The following JARID2 variants were observed in gnomAD, a reference collection of about 807,000 sequenced individuals.
JARID2 encodes protein Jumonji.
JARID2 carries 21 observed loss-of-function variants against 125.6 expected under a neutral mutation model. That is an observed-to-expected ratio of 0.17 (90% CI 0.12 to 0.24). JARID2 has a LOEUF of 0.24. Among genes scored for constraint, JARID2 ranks in the 10% least tolerant of loss-of-function variants. JARID2 has a pLI of 1.00. For missense variants in JARID2, 1,303 were observed against 1,639.6 expected (o/e 0.79, Z 3.55); for synonymous variants, 736 against 661.6 (o/e 1.11, Z -1.73).
At chr6:15,363,291 T>C (rs909209494) in intron 1 of JARID2, among the ~76,000 whole-genome samples, 14 of 152,212 alleles carry the variant, frequency 9.2e-5, no homozygotes, top group Non-Finnish European at 1.8e-4. Flanking sequence ...GTGTAATCCC[T>C]GAACCAGCAG....
chr6:15,282,611 C>T (rs533675329), intron 1 of JARID2, among the ~76,000 whole-genome samples: 84 of 151,424 alleles, frequency 5.5e-4, no homozygotes, highest in Non-Finnish European at 9.3e-4. Context: ...TTCCTCTTCT[C>T]TTCTCTTTTC....
chr6:15,388,288 T>TTA (rs1167419547), intron 2 of JARID2, among the ~76,000 whole-genome samples: 3 of 152,168 alleles, frequency 2.0e-5, no homozygotes, highest in East Asian at 3.8e-4. Flanking sequence ...CTTTAAATGT[T>TTA]TAGAGTCCTG....
At chr6:15,464,997 CCCTTATT>C (rs1561880925) in intron 4 of JARID2, among the ~76,000 whole-genome samples, 1 of 152,160 alleles carries the variant, frequency 6.6e-6, no homozygotes, top group Non-Finnish European at 1.5e-5. Context: ...CTCAGAATTG[CCCTTATT>C]CCTCACTGGT....
rs141622693 is a variant in JARID2, at chr6:15,496,202, G to A, written c.977G>A (p.Arg326His). ...GGTGTAACCAGTGCCAAAAAGATGC[G>A]CGAGGTCAGACCTTCACCATCCAAA... ...GAGVTSAKKMREVRPSPSKTV... is the reference protein window; with the variant it reads ...GAGVTSAKKMHEVRPSPSKTV... The change falls in exon 7 of 18, where the codon CGC becomes CAC. Residue 326 changes from arginine (R) to histidine (H), a missense_variant. By Grantham distance (29) the Arg-to-His change is conservative (BLOSUM62 0). Around this residue, in one of 11 missense-constraint regions of JARID2, gnomAD observed 651 missense variants for 581.6 expected, o/e 1.12. Coordinates refer to ENST00000341776, the MANE Select transcript of JARID2 (RefSeq NM_004973.4). 55 of 1,613,906 alleles carry A rather than the reference G, an allele frequency of 3.4e-5. No homozygotes were observed. Among genetic ancestry groups the A allele is most frequent in the Non-Finnish European group, 4.0e-5 (47 of 1,180,016 alleles).
chr6:15,248,722 CG>C (rs1759304562), intron 1 of JARID2: 3 of 169,900 alleles, frequency 1.8e-5, no homozygotes, highest in Non-Finnish European at 3.6e-5. Context: ...CCGACGCTCC[CG>C]GCCGCACTCT....
intron 5 of JARID2, among the ~76,000 whole-genome samples, chr6:15,470,275 A>G (rs1352489907): frequency 1.3e-5 from 2 of 152,086 alleles, no homozygotes; most frequent in Non-Finnish European, 2.9e-5. Flanking sequence ...CAGCTACTCC[A>G]CTAGACATAC....
chr6:15,401,477 T>G (rs1188830858), intron 2 of JARID2, among the ~76,000 whole-genome samples: 1 of 152,244 alleles, frequency 6.6e-6, no homozygotes, highest in Non-Finnish European at 1.5e-5. Context: ...AATGTTTGAT[T>G]AAAGTTAATT....
intron 6 of JARID2, among the ~76,000 whole-genome samples, chr6:15,491,648 A>T (rs965742430): frequency 6.6e-6 from 1 of 152,172 alleles, no homozygotes; most frequent in African/African-American, 2.4e-5. Flanking sequence ...CGACTAAAAC[A>T]TTTTTGCTTA....
intron 1 of JARID2, among the ~76,000 whole-genome samples, chr6:15,304,791 G>C (rs537889588): frequency 5.3e-5 from 8 of 152,266 alleles, no homozygotes; most frequent in Admixed American, 2.0e-4. Context: ...AGCATTTTCT[G>C]TTTTTCCTGG....
At chr6:15,475,346 G>C (rs1769288453) in intron 5 of JARID2, among the ~76,000 whole-genome samples, 1 of 152,196 alleles carries the variant, frequency 6.6e-6, no homozygotes, top group African/African-American at 2.4e-5. Flanking sequence ...TGTCAGAAAA[G>C]AGGTTAGCAA....
At chr6:15,492,312 C>T (rs529766744) in intron 6 of JARID2, among the ~76,000 whole-genome samples, 3 of 152,334 alleles carry the variant, frequency 2.0e-5, no homozygotes, top group East Asian at 3.9e-4. Context: ...CCCACGTCGG[C>T]GCTAATTCTT....
intron 1 of JARID2, among the ~76,000 whole-genome samples, chr6:15,284,132 C>G (rs972780555): frequency 2.0e-4 from 30 of 152,132 alleles, no homozygotes. Flanking sequence ...GCCAAGAATA[C>G]GAAAATGTTC....
chr6:15,481,726 A>T (rs1376968905), intron 5 of JARID2, among the ~76,000 whole-genome samples: 3 of 152,192 alleles, frequency 2.0e-5, no homozygotes, highest in African/African-American at 7.2e-5. Context: ...CATGATGGTT[A>T]CAAAAAGTGG....
intron 3 of JARID2, among the ~76,000 whole-genome samples, chr6:15,449,098 C>G (rs1166483778): frequency 6.6e-6 from 1 of 152,038 alleles, no homozygotes; most frequent in African/African-American, 2.4e-5. Context: ...ACCCTAACTG[C>G]CCCCCACTTC....
In JARID2 at chr6:15,304,354, CT is replaced by C. The variant is rs1458741104; in HGVS notation, c.45+57775del. On this transcript the variant is annotated intron_variant, in intron 1 of 17. Transcript: ENST00000341776. ...TGTAACTTGGTTAGTTAAACCTGCA[CT>C]TTTTGGTAAAATCTGGAGAGGTGAT... Among the ~76,000 whole-genome samples, 4 of 133,268 alleles carry C rather than the reference CT, an allele frequency of 3.0e-5. No individual in the cohort carries two copies. In the Admixed American group the frequency reaches 3.4e-4, roughly 11 times the overall value. 87.4% of individuals were successfully genotyped at this position (133,268 alleles called of 152,430 possible).
intron 2 of JARID2, among the ~76,000 whole-genome samples, chr6:15,377,732 C>T (rs1281991215): frequency 1.3e-5 from 2 of 151,936 alleles, no homozygotes; most frequent in East Asian, 3.9e-4. Context: ...TGGGGTTTCA[C>T]CATGTTGGCC....
chr6:15,287,370 A>G (rs1761043567), intron 1 of JARID2, among the ~76,000 whole-genome samples: 1 of 152,188 alleles, frequency 6.6e-6, no homozygotes, highest in Non-Finnish European at 1.5e-5. Context: ...TGATATGGTA[A>G]TATGTTTCTT....
chr6:15,483,965 T>C (rs1313864820), intron 5 of JARID2, among the ~76,000 whole-genome samples: 1 of 152,188 alleles, frequency 6.6e-6, no homozygotes, highest in Non-Finnish European at 1.5e-5. Context: ...GTGTATCTCA[T>C]TATGGTTTTG....
At chr6:15,444,450 G>C (rs1424330757) in intron 3 of JARID2, among the ~76,000 whole-genome samples, 1 of 152,158 alleles carries the variant, frequency 6.6e-6, no homozygotes, top group South Asian at 2.1e-4. Context: ...TTGGTGGGCA[G>C]CTTGCCCTGG....
Sources: allele counts gnomAD v4.1 joint callset (sites outside exome capture counted in the v4.1 genomes callset), GRCh38; gene constraint gnomAD v4.1.1; regional missense constraint gnomAD v4.1.1; transcripts MANE v1.5; gene names NCBI Gene and HGNC (gene_info 2026-07-23, HGNC 2026-07-21).